Variants in FTO observed in about 807,000 individuals in gnomAD.
FTO encodes the protein alpha-ketoglutarate-dependent dioxygenase FTO.
Under a neutral mutation model 63.9 loss-of-function variants are expected in FTO, and 47 were observed. The ratio of observed to expected loss-of-function variants is 0.74; its 90% confidence interval spans 0.58 to 0.94. The LOEUF (loss-of-function observed/expected upper bound fraction) is 0.94. FTO is among the 40% of genes least tolerant of loss of function. FTO has a pLI of 0.00. For missense variants in FTO, 562 were observed against 618.1 expected, an observed-to-expected ratio of 0.91 and a Z score of 0.96; for synonymous variants, 207 against 224.4, an observed-to-expected ratio of 0.92 and a Z score of 0.69.
At chr16:53,759,120 T>C (rs2076988408) in intron 1 of FTO, among the ~76,000 whole-genome samples, 1 of 152,176 alleles carries the variant, frequency 6.6e-6, no homozygotes, top group Non-Finnish European at 1.5e-5. Context: ...TTTGTACTTT[T>C]GTGTGTTTGA....
In FTO at chr16:53,825,869, G is replaced by T. The variant is rs778691805; in HGVS notation, c.129G>T (p.Gln43His). ...PKDDEFYQQW[Q>H]LKYPKLILRE... is the part of the protein sequence containing the mutation. ...TTGCTTTGGTTTTGTTTTAGTGGCA[G>T]CTGAAATATCCTAAACTAATTCTCC... The change falls in exon 3 of 9, where the codon CAG becomes CAT. Residue 43 changes from glutamine to histidine, a missense_variant. Gln to His is a conservative substitution (Grantham distance 24). Transcript: ENST00000471389. The T allele has an allele frequency of 1.1e-5, 18 of 1,613,448 alleles. No homozygotes were observed. The highest frequency in any genetic ancestry group is 1.5e-5 in the Non-Finnish European group (18 of 1,180,042).
intron 8 of FTO, among the ~76,000 whole-genome samples, chr16:53,962,822 A>T (rs1299596394): frequency 2.0e-5 from 3 of 152,208 alleles, no homozygotes; most frequent in Non-Finnish European, 4.4e-5. Context: ...GCTAAAATTG[A>T]ATTACTGTAA....
chr16:53,828,406 A>C (rs2079065525), intron 3 of FTO, among the ~76,000 whole-genome samples: 5 of 152,052 alleles, frequency 3.3e-5, no homozygotes, highest in Admixed American at 3.3e-4. Context: ...TTTTTAGTAG[A>C]GACGGGGTTT....
intron 8 of FTO, among the ~76,000 whole-genome samples, chr16:54,074,339 G>A (rs1376341323): frequency 4.6e-5 from 7 of 152,176 alleles, no homozygotes; most frequent in Admixed American, 1.3e-4. Context: ...AAAATTCAGA[G>A]AAGTATAAAA....
chr16:53,907,481 T>C (rs372269739), intron 7 of FTO, among the ~76,000 whole-genome samples: 1 of 152,186 alleles, frequency 6.6e-6, no homozygotes, highest in East Asian at 1.9e-4. Context: ...GTCGCTAACC[T>C]GGCCAATGAT....
At chr16:53,945,736 G>T (rs1425418015) in intron 8 of FTO, among the ~76,000 whole-genome samples, 1 of 152,192 alleles carries the variant, frequency 6.6e-6, no homozygotes, top group Non-Finnish European at 1.5e-5. Flanking sequence ...CTTTTAGAAG[G>T]TGGGAGAGTA....
At chr16:54,099,973 T>C (rs1424817471) in intron 8 of FTO, among the ~76,000 whole-genome samples, 2 of 152,188 alleles carry the variant, frequency 1.3e-5, no homozygotes, top group African/African-American at 2.4e-5. Context: ...GCAACCCACC[T>C]TTAGCATCTT....
chr16:53,721,911 G>A (rs563633313), intron 1 of FTO, among the ~76,000 whole-genome samples: 1 of 152,068 alleles, frequency 6.6e-6, no homozygotes, highest in East Asian at 1.9e-4. Flanking sequence ...TACCCTTTGC[G>A]CTGCTTTTAA....
At chr16:53,903,203 C>T (rs1016746239) in intron 7 of FTO, among the ~76,000 whole-genome samples, 1 of 151,906 alleles carries the variant, frequency 6.6e-6, no homozygotes, top group Non-Finnish European at 1.5e-5. Flanking sequence ...ATTCCCTTCC[C>T]AAGAGGCTAG....
chr16:53,984,939 G>T (rs2083631977), intron 8 of FTO: 1 of 456,592 alleles, frequency 2.2e-6, no homozygotes, highest in Non-Finnish European at 4.4e-6. Flanking sequence ...GTTTTTCAGG[G>T]CAGAGAGGAG....
At chr16:53,772,842 A>G (rs1045303426) in intron 1 of FTO, among the ~76,000 whole-genome samples, 1 of 152,172 alleles carries the variant, frequency 6.6e-6, no homozygotes, top group Non-Finnish European at 1.5e-5. Flanking sequence ...ATCTTTGTAC[A>G]GAGTTCCTAC....
intron 7 of FTO, among the ~76,000 whole-genome samples, chr16:53,892,371 C>T (rs950759291): frequency 6.6e-6 from 1 of 152,120 alleles, no homozygotes; most frequent in Admixed American, 6.6e-5. Context: ...TTCAAGTTAG[C>T]TGTAATCTCC....
chr16:53,898,411 T>G (rs761656874), intron 7 of FTO, among the ~76,000 whole-genome samples: 2 of 152,180 alleles, frequency 1.3e-5, no homozygotes, highest in Non-Finnish European at 2.9e-5. Context: ...ACTCTCTCAT[T>G]GTAGCAGGGC....
At chr16:53,922,534 G>A (rs982870183) in intron 7 of FTO, among the ~76,000 whole-genome samples, 4 of 152,128 alleles carry the variant, frequency 2.6e-5, no homozygotes, top group Non-Finnish European at 4.4e-5. Flanking sequence ...CTCCCAATAC[G>A]TGTCAGAACC....
At chr16:53,950,576 G>T (rs1313795690) in intron 8 of FTO, among the ~76,000 whole-genome samples, 4 of 152,160 alleles carry the variant, frequency 2.6e-5, no homozygotes, top group African/African-American at 9.7e-5. Context: ...TAATCCACGT[G>T]GAAGTATTTC....
At chr16:53,838,920 A>C (rs968978724) in intron 3 of FTO, among the ~76,000 whole-genome samples, 1 of 152,172 alleles carries the variant, frequency 6.6e-6, no homozygotes, top group Non-Finnish European at 1.5e-5. Context: ...CTTGACATAC[A>C]CTATTATGTA....
chr16:54,082,729 T>G (rs1389932545), intron 8 of FTO, among the ~76,000 whole-genome samples: 2 of 152,192 alleles, frequency 1.3e-5, no homozygotes, highest in African/African-American at 4.8e-5. Context: ...TTAAAAACTT[T>G]GAGATAGGAG....
intron 8 of FTO, among the ~76,000 whole-genome samples, chr16:54,085,117 G>T (rs1358782304): frequency 1.3e-5 from 2 of 152,206 alleles, no homozygotes; most frequent in Admixed American, 1.3e-4. Flanking sequence ...TGATAATCCA[G>T]CAGGCTCCCT....
chr16:53,997,225 GAGAA>G (rs563080074), intron 8 of FTO, among the ~76,000 whole-genome samples: 130 of 150,808 alleles, frequency 8.6e-4, no homozygotes, highest in Admixed American at 1.5e-3. Context: ...AGGAGAGAGA[GAGAA>G]AGAAAGAAAG....
Sources: gnomAD v4.1 joint callset for allele counts (sites outside exome capture counted in the v4.1 genomes callset) on GRCh38, gnomAD v4.1.1 for gene constraint, MANE v1.5 for transcripts, NCBI Gene and HGNC (gene_info 2026-07-23, HGNC 2026-07-21) for gene names.